The following ARAP2 variants were observed in gnomAD, a reference collection of about 807,000 sequenced individuals.
ARAP2 encodes the protein arf-GAP with Rho-GAP domain, ANK repeat and PH domain-containing protein 2.
Under a neutral mutation model 194.5 loss-of-function variants are expected in ARAP2, and 148 were observed. That is an observed-to-expected ratio of 0.76 (90% CI 0.67 to 0.87). The LOEUF (loss-of-function observed/expected upper bound fraction) is 0.87. Among genes scored for constraint, ARAP2 ranks in the 40% least tolerant of loss-of-function variants. ARAP2 has a pLI of 0.00. For synonymous variants in ARAP2, 695 were observed against 683.5 expected (o/e 1.02, Z -0.26); for missense variants, 2,128 against 1,989.7 (o/e 1.07, Z -1.32).
intron 1 of ARAP2, among the ~76,000 whole-genome samples, chr4:36,243,231 A>T (rs540233008): frequency 1.2e-3 from 180 of 152,166 alleles, no homozygotes; most frequent in African/African-American, 4.1e-3. Context: ...ATAAATCAAT[A>T]CTGAGCTTGT....
At chr4:36,014,324 G>GAGAGAGAGAGAA (rs1553861947) in intron 8 of ARAP2, among the ~76,000 whole-genome samples, 28 of 109,852 alleles carry the variant, frequency 2.5e-4, no homozygotes, top group African/African-American at 1.2e-3. Flanking sequence ...GAAAGAAAGA[G>GAGAGAGAGAGAA]AGAAAGAAAG....
intron 19 of ARAP2, among the ~76,000 whole-genome samples, chr4:36,140,947 C>T (rs1339506070): frequency 6.6e-6 from 1 of 151,646 alleles, no homozygotes; most frequent in Non-Finnish European, 1.5e-5. Context: ...CTTATTCACA[C>T]TGTGTTTATT....
chr4:36,184,122 A>T (rs1239148158), intron 8 of ARAP2, among the ~76,000 whole-genome samples: 1 of 152,196 alleles, frequency 6.6e-6, no homozygotes, highest in Admixed American at 6.5e-5. Context: ...ATAGTTAACC[A>T]TCTGTATACA....
At chr4:36,153,873 C>T (rs1731605815) in intron 15 of ARAP2, among the ~76,000 whole-genome samples, 1 of 152,170 alleles carries the variant, frequency 6.6e-6, no homozygotes. Flanking sequence ...CTCATTGAAT[C>T]CTCAGACCAA....
intron 6 of ARAP2, among the ~76,000 whole-genome samples, chr4:36,204,664 G>T (rs944156912): frequency 1.3e-5 from 2 of 152,092 alleles, no homozygotes; most frequent in Admixed American, 1.3e-4. Context: ...TGTTGAGGAA[G>T]AATTTTCAGA....
chr4:36,187,495 A>C lies in ARAP2; in HGVS notation c.1634T>G (p.Val545Gly). The C allele has an allele frequency of 6.5e-7, 1 of 1,531,184 alleles. No individual in the cohort carries two copies. The allele number at this position is 1,531,184 out of a possible 1,614,324, so 94.8% of individuals were successfully genotyped here. Residue 545 changes from valine to glycine, a missense_variant, in exon 8 of 33, where the codon GTT becomes GGT. Val to Gly is a moderately radical substitution (Grantham distance 109, BLOSUM62 -3). Coordinates refer to ENST00000303965, the MANE Select transcript of ARAP2 (RefSeq NM_015230.4). ...AACAAAAGTTCTTTGTGTTGTAACA[A>C]CTTCAAATTTGTTGTCTCCTTGAAC... ...VRVQGDNKFE[V>G]VTTQRTFVFR...
chr4:36,078,689 C>A (rs1012087500), intron 31 of ARAP2, among the ~76,000 whole-genome samples: 1 of 152,106 alleles, frequency 6.6e-6, no homozygotes, highest in Non-Finnish European at 1.5e-5. Flanking sequence ...TAAGAAATAA[C>A]CTTGTAGTGA....
downstream of ARAP2, among the ~76,000 whole-genome samples, chr4:36,061,461 C>G (rs934426428): frequency 1.3e-5 from 2 of 152,172 alleles, no homozygotes; most frequent in African/African-American, 4.8e-5. Context: ...GTTCACTTAG[C>G]ATATTGACCT....
intron 2 of ARAP2, among the ~76,000 whole-genome samples, chr4:36,227,266 T>C (rs967910181): frequency 1.3e-5 from 2 of 152,136 alleles, no homozygotes; most frequent in African/African-American, 4.8e-5. Context: ...GCCCTTATAT[T>C]AGATAACTCC....
At position 36,229,161 on chromosome 4, in the gene ARAP2, G is replaced by A. The variant is rs1421900184; in HGVS notation, c.326C>T (p.Ser109Phe). 1 of 1,614,052 alleles carries A rather than the reference G, an allele frequency of 6.2e-7. No homozygotes were observed. Among genetic ancestry groups the A allele is most frequent in the East Asian group, 2.2e-5 (1 of 44,878 alleles). The change falls in exon 2 of 33, where the codon TCT (serine) becomes TTT (phenylalanine). Residue 109 changes from serine to phenylalanine, a missense_variant. Physicochemically the swap from Ser to Phe is radical, Grantham distance 155. Transcript: ENST00000303965. The stretch of plus-strand genomic sequence containing the variant: ...TGGGCTAGATGTCTGAACACTACCA[G>A]AATTGGAAAGTTCTATGCAGATATT... ...DQNICIELSN[S>F]GSVQTSSPPQ...
At chr4:36,213,180 G>A in intron 4 of ARAP2, 63 bp downstream of exon 4, 1 of 1,204,494 alleles carries the variant, frequency 8.3e-7, no homozygotes, top group Non-Finnish European at 1.2e-6. Flanking sequence ...AAATGAAGAG[G>A]TACAAATAGG....
At chr4:36,186,060 C>T (rs1740490342) in intron 8 of ARAP2, among the ~76,000 whole-genome samples, 1 of 151,966 alleles carries the variant, frequency 6.6e-6, no homozygotes, top group Non-Finnish European at 1.5e-5. Flanking sequence ...AAGTGTCTGG[C>T]ACATATCAGG....
chr4:36,046,821 C>G (rs944732691), exon 4 of ARAP2: 27 of 152,246 alleles, frequency 1.8e-4, no homozygotes, highest in Admixed American at 1.2e-3. Flanking sequence ...ATCTCCAAAA[C>G]AGTGACAGTG....
intron 5 of ARAP2, among the ~76,000 whole-genome samples, chr4:36,211,707 A>G (rs1746795368): frequency 6.6e-6 from 1 of 152,156 alleles, no homozygotes; most frequent in Non-Finnish European, 1.5e-5. Flanking sequence ...AGTATAATTA[A>G]ACTGTTGGCA....
chr4:36,231,557 A>G (rs1751469141), intron 1 of ARAP2, among the ~76,000 whole-genome samples: 1 of 152,208 alleles, frequency 6.6e-6, no homozygotes, highest in Admixed American at 6.5e-5. Context: ...GAATTTACAA[A>G]CATGATAAAT....
chr4:36,196,858 G>A (rs1026034657), intron 6 of ARAP2, among the ~76,000 whole-genome samples: 31 of 151,446 alleles, frequency 2.0e-4, no homozygotes, highest in Non-Finnish European at 7.4e-5. Flanking sequence ...CTTCCCATAT[G>A]CCATTGTCTC....
intron 23 of ARAP2, among the ~76,000 whole-genome samples, chr4:36,119,928 C>T (rs892315550): frequency 6.6e-6 from 1 of 151,388 alleles, no homozygotes; most frequent in African/African-American, 2.4e-5. Flanking sequence ...TATGATGATA[C>T]TACTTCAGGC....
chr4:36,231,638 T>A (rs899235332), intron 1 of ARAP2, among the ~76,000 whole-genome samples: 2 of 152,178 alleles, frequency 1.3e-5, no homozygotes, highest in African/African-American at 4.8e-5. Context: ...AGTCATAGTC[T>A]TGCTTACCCC....
In ARAP2 at chr4:36,051,369, C is replaced by T. The variant is rs547619453; in HGVS notation, n.369+637G>A. 6.6e-5 allele frequency among the ~76,000 whole-genome samples: 10 copies of T among 152,050 alleles called. No homozygotes were observed. The South Asian group carries it at 1.5e-3, about 22-fold the overall frequency. On this transcript the variant is annotated intron_variant and non_coding_transcript_variant, in intron 3 of 12. Transcript: ENST00000503225. ...TGGCGGGCGCCTGTTGCCAGCTACT[C>T]GGGAGGCTGAGGCAGGAGAATCGCT...
Sources: allele counts gnomAD v4.1 joint callset (sites outside exome capture counted in the v4.1 genomes callset), GRCh38; gene constraint gnomAD v4.1.1; transcripts MANE v1.5; gene names NCBI Gene and HGNC (gene_info 2026-07-23, HGNC 2026-07-21).